MAGI2: variants seen among roughly 807,000 people sequenced by gnomAD.
MAGI2 encodes membrane-associated guanylate kinase, WW and PDZ domain-containing protein 2.
In MAGI2, 35 loss-of-function variants were observed where a neutral mutation model predicts 133.3. The observed-to-expected ratio is 0.26, with a 90% CI of 0.20 to 0.35. MAGI2 has a LOEUF of 0.35. MAGI2 is among the 10% of genes least tolerant of loss of function. The pLI is 1.00. For missense variants in MAGI2, 1,636 were observed against 1,863.4 expected, an observed-to-expected ratio of 0.88 and a Z score of 2.25; for synonymous variants, 729 against 710.6, an observed-to-expected ratio of 1.03 and a Z score of -0.41.
At chr7:79,293,276 A>T (rs1428933211) in intron 1 of MAGI2, among the ~76,000 whole-genome samples, 1 of 152,158 alleles carries the variant, frequency 6.6e-6, no homozygotes, top group Non-Finnish European at 1.5e-5. Context: ...AAAAAATGAA[A>T]AATCTTTATT....
intron 6 of MAGI2, among the ~76,000 whole-genome samples, chr7:78,449,741 C>A (rs1444546286): frequency 6.6e-6 from 1 of 152,064 alleles, no homozygotes; most frequent in African/African-American, 2.4e-5. Flanking sequence ...TGAGGGGGCT[C>A]ATTTGCTAAA....
At chr7:78,829,816 T>A (rs1398359595) in intron 2 of MAGI2, among the ~76,000 whole-genome samples, 1 of 152,102 alleles carries the variant, frequency 6.6e-6, no homozygotes, top group Non-Finnish European at 1.5e-5. Flanking sequence ...TATTTCTTCA[T>A]AAATTCTGAA....
At chr7:78,247,096 C>CAT (rs1490940171) in intron 10 of MAGI2, among the ~76,000 whole-genome samples, 2 of 152,150 alleles carry the variant, frequency 1.3e-5, no homozygotes, top group African/African-American at 2.4e-5. Flanking sequence ...GCTGCAGCTG[C>CAT]ATATGCTGCA....
At chr7:78,057,977 G>GTGTGTGTATATATATATA (rs762943472) in intron 21 of MAGI2, among the ~76,000 whole-genome samples, 1 of 106,610 alleles carries the variant, frequency 9.4e-6, no homozygotes, top group African/African-American at 3.4e-5. Flanking sequence ...ATATATATGT[G>GTGTGTGTATATATATATA]TATATATATA....
rs576985936 is a variant in MAGI2, at chr7:79,260,180, C to G, written c.301+192840G>C. ...ACCAGCCTGGGCAATATGGCAAAAC[C>G]CTGTCTCTATCAAAAATACAAGAAA... is the stretch of plus-strand genomic sequence containing the variant. On this transcript the variant is annotated intron_variant, in intron 1 of 21. Coordinates refer to ENST00000354212, the MANE Select transcript of MAGI2 (RefSeq NM_012301.4). Among the ~76,000 whole-genome samples, 16 of 152,192 alleles carry G rather than the reference C, an allele frequency of 1.1e-4. No individual in the cohort carries two copies. In the East Asian group the frequency reaches 2.1e-3, roughly 20 times the overall value.
intron 20 of MAGI2, among the ~76,000 whole-genome samples, chr7:78,110,901 A>C (rs1351963898): frequency 6.6e-6 from 1 of 152,232 alleles, no homozygotes; most frequent in African/African-American, 2.4e-5. Context: ...TTAAGAATAC[A>C]GTACCCAGCT....
intron 1 of MAGI2, among the ~76,000 whole-genome samples, chr7:79,284,828 T>C (rs1468939028): frequency 6.6e-6 from 1 of 152,074 alleles, no homozygotes. Context: ...GTAAGTGTTC[T>C]GGAAGATAAA....
chr7:78,116,358 G>GAA (rs34731843), intron 20 of MAGI2, among the ~76,000 whole-genome samples: 1,652 of 143,108 alleles, frequency 0.012, 26 homozygotes, highest in African/African-American at 0.032. Context: ...TCCAACTTAG[G>GAA]AAAAAAAAAA....
intron 2 of MAGI2, among the ~76,000 whole-genome samples, chr7:78,934,951 A>C (rs1800408219): frequency 6.6e-6 from 1 of 152,146 alleles, no homozygotes; most frequent in East Asian, 1.9e-4. Context: ...TTTCCTGCCA[A>C]AGTACATAGT....
chr7:78,614,379 T>A (rs1806836898), intron 3 of MAGI2: 1 of 152,034 alleles, frequency 6.6e-6, no homozygotes, highest in Admixed American at 6.5e-5. Flanking sequence ...TAAATTCACA[T>A]TTTATTAATA....
chr7:79,073,675 C>T (rs1346005086), intron 1 of MAGI2, among the ~76,000 whole-genome samples: 1 of 151,836 alleles, frequency 6.6e-6, no homozygotes, highest in Non-Finnish European at 1.5e-5. Context: ...TATGATACTT[C>T]CCTTCTTAAA....
chr7:78,470,638 G>A (rs1416108704), intron 6 of MAGI2, among the ~76,000 whole-genome samples: 1 of 152,002 alleles, frequency 6.6e-6, no homozygotes, highest in Non-Finnish European at 1.5e-5. Context: ...TCCACTTTTA[G>A]GATGCTACAC....
intron 20 of MAGI2, among the ~76,000 whole-genome samples, chr7:78,084,199 T>C (rs140535794): frequency 5.3e-5 from 8 of 152,336 alleles, no homozygotes; most frequent in African/African-American, 1.9e-4. Context: ...TACCAATAAA[T>C]CATGAATAAT....
At chr7:78,664,846 T>A (rs1046381066) in intron 2 of MAGI2, among the ~76,000 whole-genome samples, 7 of 151,994 alleles carry the variant, frequency 4.6e-5, no homozygotes, top group Non-Finnish European at 7.4e-5. Context: ...AAACTAACTT[T>A]TATGATTTCA....
At chr7:78,481,938 C>G (rs1325892493) in intron 6 of MAGI2, among the ~76,000 whole-genome samples, 1 of 151,794 alleles carries the variant, frequency 6.6e-6, no homozygotes, top group Non-Finnish European at 1.5e-5. Flanking sequence ...AAATATTTAT[C>G]TGTAAAAGAT....
chr7:78,352,925 T>G (rs1227524874), intron 7 of MAGI2: 1 of 152,238 alleles, frequency 6.6e-6, no homozygotes, highest in Non-Finnish European at 1.5e-5. Flanking sequence ...CTAGCAGACA[T>G]GGCCGTGTGC....
At chr7:78,028,666 C>G (rs1809215493) in intron 21 of MAGI2, among the ~76,000 whole-genome samples, 1 of 152,000 alleles carries the variant, frequency 6.6e-6, no homozygotes, top group African/African-American at 2.4e-5. Context: ...ACCAGCCTGG[C>G]CAAGATGGCA....
chr7:78,681,756 G>A (rs535355540), intron 2 of MAGI2, among the ~76,000 whole-genome samples: 14 of 152,274 alleles, frequency 9.2e-5, no homozygotes, highest in African/African-American at 2.9e-4. Flanking sequence ...AGAGTAAGGA[G>A]AGAAGGCAGT....
At chr7:78,603,423 A>G (rs1033426959) in intron 3 of MAGI2, among the ~76,000 whole-genome samples, 4 of 152,234 alleles carry the variant, frequency 2.6e-5, no homozygotes, top group Admixed American at 2.0e-4. Flanking sequence ...ATGAGACAAC[A>G]AGACCTGTAT....
Sources: gnomAD v4.1 joint callset for allele counts (sites outside exome capture counted in the v4.1 genomes callset) on GRCh38, gnomAD v4.1.1 for gene constraint, MANE v1.5 for transcripts, NCBI Gene and HGNC (gene_info 2026-07-23, HGNC 2026-07-21) for gene names.